ITFG2: variants seen among roughly 807,000 people sequenced by gnomAD.
ITFG2 encodes the protein KICSTOR complex protein ITFG2.
Under a neutral mutation model 54.4 loss-of-function variants are expected in ITFG2, and 36 were observed. That is an observed-to-expected ratio of 0.66 (90% confidence interval 0.51 to 0.87). The LOEUF is 0.87. Ranked by LOEUF, ITFG2 falls within the 40% of genes least tolerant of loss-of-function variation. ITFG2 has a pLI of 0.00. For missense variants in ITFG2, 524 were observed against 576.7 expected (o/e 0.91, Z 0.94); for synonymous variants, 211 against 225.4 (o/e 0.94, Z 0.57).
intron 1 of ITFG2, among the ~76,000 whole-genome samples, chr12:2,838,439 C>A (rs904277242): frequency 6.6e-6 from 1 of 152,138 alleles, no homozygotes; most frequent in African/African-American, 2.4e-5. Context: ...CCCAGGCTCT[C>A]AAGTGAGCTC....
At chr12:2,814,811 A>G (rs1160398219) in intron 1 of ITFG2, among the ~76,000 whole-genome samples, 2 of 152,158 alleles carry the variant, frequency 1.3e-5, no homozygotes, top group African/African-American at 4.8e-5. Flanking sequence ...CAGCTTGAGC[A>G]ACAGAGTGAG....
downstream of ITFG2, among the ~76,000 whole-genome samples, chr12:2,829,913 A>T (rs1267228231): frequency 1.3e-5 from 2 of 152,002 alleles, no homozygotes; most frequent in African/African-American, 4.8e-5. Flanking sequence ...CCCCATCTCT[A>T]CTAAAAATAC....
intron 2 of ITFG2, among the ~76,000 whole-genome samples, chr12:2,854,264 A>G (rs1460713855): frequency 6.6e-6 from 1 of 152,206 alleles, no homozygotes; most frequent in Non-Finnish European, 1.5e-5. Context: ...ACCTCAGGTG[A>G]TCCGGCCGCC....
intron 2 of ITFG2, chr12:2,849,095 G>A: frequency 1.2e-6 from 1 of 867,420 alleles, no homozygotes; most frequent in Non-Finnish European, 1.7e-6. Flanking sequence ...CTTGAGGCTG[G>A]GAGGATGGTG....
intron 3 of ITFG2, 30 bp from the exon 4 acceptor site, chr12:2,818,076 C>G (rs1374656096): frequency 6.2e-7 from 1 of 1,609,906 alleles, no homozygotes; most frequent in African/African-American, 1.3e-5. Context: ...CCTCCCCAGT[C>G]CATCTCTACT....
chr12:2,828,665 A>G (rs1294220095), downstream of ITFG2, among the ~76,000 whole-genome samples: 1 of 152,058 alleles, frequency 6.6e-6, no homozygotes, highest in Non-Finnish European at 1.5e-5. Flanking sequence ...GGTTTAGTAG[A>G]AACCCTGTCT....
rs978057196 is a variant in ITFG2 at position 2,824,346 on chromosome 12, G to A, written c.*153G>A. 2.1e-5 allele frequency: 17 copies of A among 792,048 alleles called. No individual in the cohort carries two copies. Among genetic ancestry groups the A allele is most frequent in the Middle Eastern group, 2.2e-4 (1 of 4,502 alleles). 49.1% of individuals were successfully genotyped at this position (792,048 alleles called of 1,614,324 possible). On this transcript the variant is annotated 3_prime_UTR_variant, in exon 12 of 12. Transcript: ENST00000228799. ...AGATGGCAGCAGCCCTAGGGTGACC[G>A]TGAACTATAGACCTCGCAGTCTTTT... is the stretch of plus-strand genomic sequence containing the variant.
At chr12:2,835,039 A>C, upstream of ITFG2, 1 of 1,466,550 alleles carries the variant, frequency 6.8e-7, no homozygotes, top group Non-Finnish European at 9.0e-7. Context: ...AGGGAGTGAG[A>C]CTCCGGCTGG....
chr12:2,822,773 T>G, intron 9 of ITFG2, 21 bp from the exon 10 acceptor site: 1 of 1,601,026 alleles, frequency 6.2e-7, no homozygotes, highest in South Asian at 1.1e-5. Context: ...TTATGTTCCT[T>G]TTGTCTCTGT....
At chr12:2,844,656 C>T (rs1212237370) in intron 2 of ITFG2, among the ~76,000 whole-genome samples, 2 of 152,088 alleles carry the variant, frequency 1.3e-5, no homozygotes, top group Non-Finnish European at 2.9e-5. Context: ...ACTCCTGTCC[C>T]TCCCTCTTTG....
At chr12:2,836,900 G>A (rs2098029366) in exon 1 of ITFG2, 1 of 152,222 alleles carries the variant, frequency 6.6e-6, no homozygotes, top group Non-Finnish European at 1.5e-5. Context: ...CCTTACAGCT[G>A]TCAGAAGGAA....
downstream of ITFG2, among the ~76,000 whole-genome samples, chr12:2,828,662 T>C (rs1348574585): frequency 3.3e-5 from 5 of 151,852 alleles, no homozygotes; most frequent in East Asian, 9.7e-4. Context: ...CAGGGTTTAG[T>C]AGAAACCCTG....
chr12:2,850,653 TTTTTG>T (rs150335236), intron 2 of ITFG2, among the ~76,000 whole-genome samples: 54 of 97,700 alleles, frequency 5.5e-4, no homozygotes, highest in South Asian at 1.6e-3. Context: ...AGAGTCTTTG[TTTTTG>T]TTTTGTTTTG....
intron 2 of ITFG2, chr12:2,849,357 C>T (rs1384053883): frequency 9.1e-6 from 14 of 1,536,136 alleles, no homozygotes; most frequent in Admixed American, 3.9e-5. Context: ...TTATGAGGTC[C>T]TGGCTCAGGG....
rs763866992 is a variant in ITFG2 at position 2,817,983 on chromosome 12, A to T, written c.234+33A>T. Reference sequence around the variant, plus strand: ...CTATAGGGGACCTTCCTTGGTTCTTAGCTCACAGTGGAAATCAGTTGAAGG... The same window carrying T: ...CTATAGGGGACCTTCCTTGGTTCTTTGCTCACAGTGGAAATCAGTTGAAGG... On this transcript the variant is annotated intron_variant, in intron 3 of 11. Transcript: ENST00000228799. 53 of 1,612,318 alleles carry T rather than the reference A, an allele frequency of 3.3e-5. No homozygotes were observed. The Admixed American group carries it at 8.9e-4, about 27-fold the overall frequency.
chr12:2,830,645 G>C, intron 2 of ITFG2: 1 of 1,519,242 alleles, frequency 6.6e-7, no homozygotes, highest in Non-Finnish European at 8.9e-7. Context: ...GCAGAAAGGA[G>C]AGCAGGTGAA....
chr12:2,821,932 T>C, intron 9 of ITFG2, 140 bp downstream of exon 9: 212 of 162,594 alleles, frequency 1.3e-3, no homozygotes, highest in South Asian at 4.2e-3. Context: ...TTTTTTTTCC[T>C]TTTTTTTTTT....
At chr12:2,823,711 G>GC in intron 10 of ITFG2, 59 bp from the exon 11 acceptor site, 2 of 1,501,872 alleles carry the variant, frequency 1.3e-6, no homozygotes, top group Non-Finnish European at 8.9e-7. Flanking sequence ...CTTGCTGTCT[G>GC]CCCCCCACTG....
intron 1 of ITFG2, among the ~76,000 whole-genome samples, chr12:2,839,668 T>C (rs1265559844): frequency 1.3e-5 from 2 of 152,186 alleles, no homozygotes; most frequent in African/African-American, 4.8e-5. Context: ...CCTGCCTTCA[T>C]GGAGTTCACA....
Sources: gnomAD v4.1 joint callset for allele counts (sites outside exome capture counted in the v4.1 genomes callset) on GRCh38, gnomAD v4.1.1 for gene constraint, MANE v1.5 for transcripts, NCBI Gene and HGNC (gene_info 2026-07-23, HGNC 2026-07-21) for gene names.